COL26A1: variants seen among roughly 807,000 people sequenced by gnomAD.
COL26A1 encodes the protein collagen type XXVI alpha 1 chain.
Under a neutral mutation model 59.3 loss-of-function variants are expected in COL26A1, and 41 were observed. The observed-to-expected ratio is 0.69, with a 90% CI of 0.54 to 0.90. The LOEUF (loss-of-function observed/expected upper bound fraction) is 0.90, where lower values mean the gene tolerates loss of function less well. Among genes scored for constraint, COL26A1 ranks in the 40% least tolerant of loss-of-function variants. COL26A1 has a pLI of 0.00. For synonymous variants in COL26A1, 266 were observed against 256.0 expected (o/e 1.04, Z -0.37); for missense variants, 612 against 602.3 (o/e 1.02, Z -0.17).
chr7:101,551,237 G>GTTGGGGGGGGGGC, intron 10 of COL26A1, 94 bp downstream of exon 10: 11 of 386,354 alleles, frequency 2.8e-5, no homozygotes, highest in East Asian at 1.2e-4. Context: ...TGGTGGGGGG[G>GTTGGGGGGGGGGC]TTCAGCCCTG....
chr7:101,380,376 C>T (rs1791419415), intron 1 of COL26A1, among the ~76,000 whole-genome samples: 1 of 150,318 alleles, frequency 6.7e-6, no homozygotes, highest in African/African-American at 2.5e-5. Flanking sequence ...GCTACTGCAA[C>T]CTCTGCCTTT....
chr7:101,380,082 C>A (rs1183218404), intron 1 of COL26A1, among the ~76,000 whole-genome samples: 1 of 151,732 alleles, frequency 6.6e-6, no homozygotes, highest in African/African-American at 2.4e-5. Flanking sequence ...ACCTCTGCCT[C>A]CCGGGTTTAA....
At chr7:101,526,639 G>A (rs1037622655) in intron 3 of COL26A1, among the ~76,000 whole-genome samples, 1 of 152,236 alleles carries the variant, frequency 6.6e-6, no homozygotes, top group African/African-American at 2.4e-5. Flanking sequence ...CATTTGGGAG[G>A]TGGGTCCTGA....
intron 2 of COL26A1, among the ~76,000 whole-genome samples, chr7:101,424,347 C>T (rs150773617): frequency 0.017 from 2,603 of 152,202 alleles, 68 homozygotes; most frequent in African/African-American, 0.06. Context: ...CCTGTAATCC[C>T]GGCACTTTGG....
At chr7:101,472,396 A>G (rs1049523049) in intron 3 of COL26A1, among the ~76,000 whole-genome samples, 2 of 152,192 alleles carry the variant, frequency 1.3e-5, no homozygotes, top group African/African-American at 2.4e-5. Context: ...TTATTTAGTT[A>G]GTTAACTCAT....
chr7:101,469,575 C>T (rs991892172), intron 3 of COL26A1, among the ~76,000 whole-genome samples: 14 of 151,900 alleles, frequency 9.2e-5, no homozygotes, highest in Non-Finnish European at 2.1e-4. Flanking sequence ...CTGCAATCTC[C>T]GCTTCCTGGA....
chr7:101,447,740 T>C lies in COL26A1; in HGVS notation c.338T>C (p.Leu113Pro). 2 of 1,607,128 alleles carry C rather than the reference T, an allele frequency of 1.2e-6. No homozygotes were observed. The highest frequency in any genetic ancestry group is 2.2e-5 in the East Asian group (1 of 44,634). Residue 113 changes from leucine to proline, a missense_variant, in exon 3 of 13, where the codon CTG becomes CCG. Transcript: ENST00000313669. ...YRVSYRTVTV[L>P]EWRCCPGFTG... is the part of the protein sequence containing the mutation. The stretch of plus-strand genomic sequence containing the variant: ...GTGTCCTACCGCACGGTGACGGTGC[T>C]GGAGTGGAGATGCTGCCCTGGCTTC...
At chr7:101,446,879 A>G (rs1793210707) in intron 2 of COL26A1, among the ~76,000 whole-genome samples, 1 of 151,462 alleles carries the variant, frequency 6.6e-6, no homozygotes, top group Non-Finnish European at 1.5e-5. Flanking sequence ...GAGAGAGAGA[A>G]AGAGTAATTT....
chr7:101,483,374 T>G (rs1794196493), intron 3 of COL26A1, among the ~76,000 whole-genome samples: 1 of 151,746 alleles, frequency 6.6e-6, no homozygotes, highest in Non-Finnish European at 1.5e-5. Flanking sequence ...ATTTTTGTAT[T>G]TTTAGTAGAG....
intron 1 of COL26A1, among the ~76,000 whole-genome samples, chr7:101,365,331 A>G (rs1446781217): frequency 6.6e-6 from 1 of 152,210 alleles, no homozygotes; most frequent in Non-Finnish European, 1.5e-5. Flanking sequence ...CTAGGAAACC[A>G]TTTCAGCAGT....
intron 1 of COL26A1, among the ~76,000 whole-genome samples, chr7:101,377,790 A>G (rs1217689494): frequency 6.6e-6 from 1 of 152,210 alleles, no homozygotes; most frequent in Non-Finnish European, 1.5e-5. Context: ...TTAGTCCCTC[A>G]TCAGTGAACA....
chr7:101,532,320 C>T (rs1266014612), intron 3 of COL26A1, among the ~76,000 whole-genome samples: 4 of 152,024 alleles, frequency 2.6e-5, no homozygotes, highest in African/African-American at 9.7e-5. Context: ...CGAATTTCAC[C>T]CGCCTAAGAC....
In COL26A1 at chr7:101,489,657, CTTT is replaced by C. The variant is rs1187931505; in HGVS notation, c.385+41871_385+41873del. On this transcript the variant is annotated intron_variant, in intron 3 of 12. Coordinates refer to ENST00000313669, the MANE Select transcript of COL26A1 (RefSeq NM_001278563.3). ...TCTTTCTTTCTTTCTTTCTTTCTTT[CTTT>C]CTTCCTTCCTTCCTTCCTTCCTTTC... 3.8e-3 allele frequency among the ~76,000 whole-genome samples: 261 copies of C among 69,544 alleles called. 22 individuals carry two copies. Among genetic ancestry groups the C allele is most frequent in the Admixed American group, 8.8e-3 (69 of 7,808 alleles). The allele number at this position is 69,544 out of a possible 152,430, so 45.6% of individuals were successfully genotyped here. A position where few individuals can be genotyped will look rare whatever the true frequency, so the allele number is the denominator to read the frequency against.
chr7:101,482,400 A>C (rs1460625236), intron 3 of COL26A1, among the ~76,000 whole-genome samples: 1 of 152,222 alleles, frequency 6.6e-6, no homozygotes, highest in Non-Finnish European at 1.5e-5. Flanking sequence ...GTAAGTTGCA[A>C]TCTTTAATTG....
At chr7:101,528,477 G>A (rs1214210008) in intron 3 of COL26A1, among the ~76,000 whole-genome samples, 6 of 151,940 alleles carry the variant, frequency 3.9e-5, no homozygotes, top group African/African-American at 1.5e-4. Context: ...TTCCTGTGTG[G>A]CTCGAGCTGG....
At chr7:101,418,139 ATGAGTG>A (rs936890146) in intron 1 of COL26A1, among the ~76,000 whole-genome samples, 1 of 151,968 alleles carries the variant, frequency 6.6e-6, no homozygotes, top group Non-Finnish European at 1.5e-5. Flanking sequence ...TGCTGGGATT[ATGAGTG>A]TGAGCCACCG....
At chr7:101,528,921 T>A (rs918885067) in intron 3 of COL26A1, among the ~76,000 whole-genome samples, 1 of 152,192 alleles carries the variant, frequency 6.6e-6, no homozygotes, top group African/African-American at 2.4e-5. Flanking sequence ...ATCTCAGCTC[T>A]TTGGGAGGCC....
intron 3 of COL26A1, among the ~76,000 whole-genome samples, chr7:101,498,867 C>T (rs556418172): frequency 6.6e-6 from 1 of 152,168 alleles, no homozygotes; most frequent in East Asian, 1.9e-4. Flanking sequence ...GTGCTGGCTC[C>T]CCACCGCGCG....
intron 3 of COL26A1, among the ~76,000 whole-genome samples, chr7:101,467,427 C>T (rs116791371): frequency 4.7e-5 from 7 of 149,460 alleles, no homozygotes; most frequent in Admixed American, 1.3e-4. Context: ...ACACAGCGCC[C>T]GAGAGATTGG....
Sources: gnomAD v4.1 joint callset for allele counts (sites outside exome capture counted in the v4.1 genomes callset) on GRCh38, gnomAD v4.1.1 for gene constraint, MANE v1.5 for transcripts, NCBI Gene and HGNC (gene_info 2026-07-23, HGNC 2026-07-21) for gene names.